The following GALC variants were observed in gnomAD, a reference collection of about 807,000 sequenced individuals.
GALC encodes the protein galactocerebrosidase.
GALC carries 77 observed loss-of-function variants against 91.8 expected under a neutral mutation model. That is an observed-to-expected ratio of 0.84 (90% CI 0.70 to 1.01). GALC has a LOEUF of 1.01. Among genes scored for constraint, GALC ranks in the 50% least tolerant of loss-of-function variants. The probability of loss-of-function intolerance (pLI) is 0.00; values close to 1 mark genes in which losing one functional copy is unlikely to be tolerated. For missense variants in GALC, 882 were observed against 855.9 expected (o/e 1.03, Z -0.38); for synonymous variants, 357 against 306.7 (o/e 1.16, Z -1.71).
chr14:87,984,336 T>C, intron 5 of GALC, 58 bp downstream of exon 5: 3 of 1,533,318 alleles, frequency 2.0e-6, no homozygotes, highest in Non-Finnish European at 8.9e-7. Context: ...AATCAAATTA[T>C]TTTCTAAATT....
chr14:87,934,658 C>A lies in GALC; in HGVS notation c.*74G>T. The A allele has an allele frequency of 6.2e-7, 1 of 1,608,864 alleles. No homozygotes were observed. The highest frequency in any genetic ancestry group is 8.5e-7 in the Non-Finnish European group (1 of 1,177,822). On this transcript the variant is annotated 3_prime_UTR_variant, in exon 17 of 17. Coordinates refer to ENST00000261304, the MANE Select transcript of GALC (RefSeq NM_000153.4). ...AGCCTCATATACTGTTCCAATGAAA[C>A]AAGAATTGGCTCTGAACCAAAACCA...
chr14:87,939,105 G>T (rs1211227238), intron 16 of GALC, among the ~76,000 whole-genome samples: 1 of 151,840 alleles, frequency 6.6e-6, no homozygotes, highest in African/African-American at 2.4e-5. Flanking sequence ...CAATAATAGT[G>T]AATATTATTA....
chr14:87,968,568 AT>A (rs1886153226), intron 7 of GALC, 78 bp from the exon 8 acceptor site: 4 of 1,374,028 alleles, frequency 2.9e-6, no homozygotes, highest in Non-Finnish European at 4.1e-6. Flanking sequence ...TGTTGAGTAT[AT>A]AAAAATACGA....
At chr14:87,987,235 T>C (rs1887014193) in intron 3 of GALC, among the ~76,000 whole-genome samples, 1 of 152,226 alleles carries the variant, frequency 6.6e-6, no homozygotes, top group South Asian at 2.1e-4. Flanking sequence ...CATCTGCCCT[T>C]GCTAAGTAGG....
chr14:87,965,073 C>A (rs1216747790), intron 9 of GALC, among the ~76,000 whole-genome samples: 2 of 152,052 alleles, frequency 1.3e-5, no homozygotes, highest in Non-Finnish European at 2.9e-5. Context: ...TATTTTTAAT[C>A]ATCTCCCTTT....
chr14:87,941,519 G>C lies in GALC; in HGVS notation c.1710C>G (p.Thr570=), dbSNP rs767710271. The C allele has an allele frequency of 1.2e-5, 19 of 1,593,610 alleles. No homozygotes were observed. Among genetic ancestry groups the C allele is most frequent in the Non-Finnish European group, 1.6e-5 (19 of 1,161,858 alleles). Residue 570 remains threonine, a synonymous_variant, in exon 15 of 17, where the codon ACC becomes ACG. Transcript: ENST00000261304. Reference sequence around the variant, plus strand: ...CAATGAACACACCTCCTGTGTCAGGGGTCTCTATGTATACATCACACTTTA... The same window carrying C: ...CAATGAACACACCTCCTGTGTCAGGCGTCTCTATGTATACATCACACTTTA... ...LTIKCDVYIE[T]PDTGGVFIAG...
intron 14 of GALC, among the ~76,000 whole-genome samples, chr14:87,942,620 C>G (rs1201852690): frequency 6.6e-6 from 1 of 151,980 alleles, no homozygotes; most frequent in Non-Finnish European, 1.5e-5. Context: ...AAACTGGAAA[C>G]ACCAAGAAAT....
intron 13 of GALC, among the ~76,000 whole-genome samples, chr14:87,946,372 T>C (rs1317415153): frequency 6.6e-6 from 1 of 152,092 alleles, no homozygotes; most frequent in East Asian, 1.9e-4. Context: ...CTTACAATAA[T>C]GAATGCTGTA....
intron 8 of GALC, 134 bp from the exon 9 acceptor site, chr14:87,965,763 T>A: frequency 1.2e-6 from 1 of 848,174 alleles, no homozygotes; most frequent in Non-Finnish European, 1.8e-6. Context: ...TCACCCAAAA[T>A]AAGAAAATAT....
chr14:87,987,818 ATCTT>A (rs1243164215), intron 3 of GALC: 3 of 205,624 alleles, frequency 1.5e-5, no homozygotes, highest in Admixed American at 5.5e-5. Flanking sequence ...CGAAATTAAA[ATCTT>A]TCTAACTGCT....
Position 87,934,480 on chromosome 14 carries a change from G to A in GALC, c.*252C>T. The A allele has an allele frequency of 7.2e-7, 1 of 1,380,092 alleles. No homozygotes were observed. Among genetic ancestry groups the A allele is most frequent in the Non-Finnish European group, 9.4e-7 (1 of 1,067,606 alleles). The allele number at this position is 1,380,092 out of a possible 1,614,324, so 85.5% of individuals were successfully genotyped here. ...TACTCAAACCACTCCTAAGGGTATG[G>A]CCAATGCACAGTTTGAATGTTAGGG... On this transcript the variant is annotated 3_prime_UTR_variant, in exon 17 of 17. Coordinates refer to ENST00000261304, the MANE Select transcript of GALC (RefSeq NM_000153.4).
rs555399429 is a variant in GALC at position 87,979,953 on chromosome 14, C to T, written c.621+2252G>A. ...AATAGCTCCACTGCCCCACCTCCCCCACCCAATCTGCTCCCACCACCACAC... is the reference window on the plus strand; with the variant it reads ...AATAGCTCCACTGCCCCACCTCCCCTACCCAATCTGCTCCCACCACCACAC... On this transcript the variant is annotated intron_variant, in intron 6 of 16. Coordinates refer to ENST00000261304, the MANE Select transcript of GALC (RefSeq NM_000153.4). 4.6e-5 allele frequency among the ~76,000 whole-genome samples: 7 copies of T among 152,272 alleles called. No individual in the cohort carries two copies. In the South Asian group the frequency reaches 1.4e-3, roughly 32 times the overall value.
chr14:87,956,620 A>ACC (rs775218195), intron 10 of GALC, among the ~76,000 whole-genome samples: 1 of 79,886 alleles, frequency 1.3e-5, no homozygotes, highest in Non-Finnish European at 2.8e-5. Flanking sequence ...ACACACACAC[A>ACC]CCATATATAT....
intron 1 of GALC, among the ~76,000 whole-genome samples, chr14:87,990,831 C>T (rs1025379963): frequency 6.6e-6 from 1 of 152,170 alleles, no homozygotes; most frequent in Non-Finnish European, 1.5e-5. Context: ...TAGCAAATCA[C>T]GGGATTACTA....
intron 10 of GALC, chr14:87,954,492 A>T (rs1047520804): frequency 9.6e-6 from 15 of 1,568,258 alleles, no homozygotes; most frequent in Non-Finnish European, 1.3e-5. Context: ...CAGCGCAATT[A>T]CACACTAGAA....
At chr14:87,987,993 T>G in intron 3 of GALC, 151 bp downstream of exon 3, 1 of 649,348 alleles carries the variant, frequency 1.5e-6, no homozygotes, top group East Asian at 2.8e-5. Context: ...TTTTAAATAA[T>G]TACAGTTAAA....
intron 10 of GALC, chr14:87,954,128 T>G: frequency 6.2e-7 from 1 of 1,608,622 alleles, no homozygotes; most frequent in Non-Finnish European, 8.5e-7. Context: ...AATATTCCAG[T>G]GTAGTTAGTG....
At chr14:87,961,259 A>G (rs1312633907) in intron 10 of GALC, among the ~76,000 whole-genome samples, 1 of 152,218 alleles carries the variant, frequency 6.6e-6, no homozygotes, top group Non-Finnish European at 1.5e-5. Context: ...CTACAATAAC[A>G]TAGCACTTCA....
intron 16 of GALC, among the ~76,000 whole-genome samples, chr14:87,936,616 C>T (rs1884578728): frequency 1.3e-5 from 2 of 151,732 alleles, no homozygotes; most frequent in Non-Finnish European, 2.9e-5. Flanking sequence ...CTGTTTCGTT[C>T]GCTGCTGTAT....
Sources: gnomAD v4.1 joint callset for allele counts (sites outside exome capture counted in the v4.1 genomes callset) on GRCh38, gnomAD v4.1.1 for gene constraint, MANE v1.5 for transcripts, NCBI Gene and HGNC (gene_info 2026-07-23, HGNC 2026-07-21) for gene names.